TNRC6A: variants seen among roughly 807,000 people sequenced by gnomAD.
The protein encoded by TNRC6A is trinucleotide repeat containing adaptor 6A.
Under a neutral mutation model 221.2 loss-of-function variants are expected in TNRC6A, and 44 were observed. The ratio of observed to expected loss-of-function variants is 0.20; its 90% CI spans 0.16 to 0.26. The LOEUF is 0.26. Ranked by LOEUF, TNRC6A falls within the 10% of genes least tolerant of loss-of-function variation. The probability of loss-of-function intolerance (pLI) is 1.00; values close to 1 mark genes in which losing one functional copy is unlikely to be tolerated. For missense variants in TNRC6A, 2,199 were observed against 2,404.4 expected, an observed-to-expected ratio of 0.91 and a Z score of 1.79; for synonymous variants, 847 against 838.5, an observed-to-expected ratio of 1.01 and a Z score of -0.18.
intron 18 of TNRC6A, 89 bp from the exon 19 acceptor site, chr16:24,815,058 A>G (rs1178645183): frequency 3.4e-6 from 5 of 1,454,528 alleles, no homozygotes; most frequent in Non-Finnish European, 4.7e-6. Context: ...CAGATCTAAT[A>G]GAAAGTGTTC....
At chr16:24,745,106 G>A (rs1020578990) in intron 2 of TNRC6A, among the ~76,000 whole-genome samples, 18 of 152,136 alleles carry the variant, frequency 1.2e-4, no homozygotes, top group African/African-American at 4.3e-4. Context: ...CCTTCAATAC[G>A]ATGACCCCTT....
chr16:24,698,219 C>A (rs2055901468), intron 2 of TNRC6A, among the ~76,000 whole-genome samples: 3 of 152,030 alleles, frequency 2.0e-5, no homozygotes, highest in Non-Finnish European at 4.4e-5. Context: ...GCCCCAGATT[C>A]CAAATCAGAA....
At chr16:24,757,356 T>C (rs1319741391) in intron 3 of TNRC6A, among the ~76,000 whole-genome samples, 1 of 152,222 alleles carries the variant, frequency 6.6e-6, no homozygotes, top group Non-Finnish European at 1.5e-5. Flanking sequence ...GTATTTTTGA[T>C]AACAGTAATT....
intron 11 of TNRC6A, among the ~76,000 whole-genome samples, chr16:24,798,619 A>C (rs2058268014): frequency 6.6e-6 from 1 of 152,220 alleles, no homozygotes; most frequent in Non-Finnish European, 1.5e-5. Flanking sequence ...TAATTATTTC[A>C]AAGCTCCAAA....
At chr16:24,747,593 C>T (rs1200596080) in intron 2 of TNRC6A, among the ~76,000 whole-genome samples, 1 of 152,084 alleles carries the variant, frequency 6.6e-6, no homozygotes, top group African/African-American at 2.4e-5. Flanking sequence ...TCTCTATGAA[C>T]ATTTAACTCC....
At chr16:24,630,040 T>A (rs1467345257) in intron 1 of TNRC6A, among the ~76,000 whole-genome samples, 3 of 152,210 alleles carry the variant, frequency 2.0e-5, no homozygotes, top group Admixed American at 6.5e-5. Context: ...ACATAACTTT[T>A]CATAACTTAT....
At chr16:24,819,958 G>T (rs1212932162) in intron 21 of TNRC6A, among the ~76,000 whole-genome samples, 181 bp from the exon 22 acceptor site, 4 of 152,198 alleles carry the variant, frequency 2.6e-5, no homozygotes, top group Non-Finnish European at 4.4e-5. Context: ...AGTGTTTGGA[G>T]GGATGGAAAG....
intron 2 of TNRC6A, among the ~76,000 whole-genome samples, chr16:24,660,492 A>G (rs1313614262): frequency 6.6e-6 from 1 of 151,954 alleles, no homozygotes; most frequent in Non-Finnish European, 1.5e-5. Context: ...ATTGATGGGC[A>G]TTTGGGTTGA....
intron 1 of TNRC6A, among the ~76,000 whole-genome samples, chr16:24,618,016 G>C (rs759997586): frequency 3.9e-5 from 6 of 152,168 alleles, no homozygotes; most frequent in Non-Finnish European, 7.3e-5. Context: ...TCGTGCCTCA[G>C]CCATCTTAGT....
intron 5 of TNRC6A, chr16:24,778,528 C>G (rs924763159): frequency 2.0e-6 from 2 of 976,836 alleles, no homozygotes. Context: ...AGTCATTGTC[C>G]TGAGTTAATA....
chr16:24,739,837 A>T (rs998083993), intron 2 of TNRC6A, among the ~76,000 whole-genome samples: 1 of 152,180 alleles, frequency 6.6e-6, no homozygotes, highest in Non-Finnish European at 1.5e-5. Flanking sequence ...TTGTAAATCT[A>T]GTTTACCAGT....
chr16:24,661,035 C>G lies in TNRC6A; in HGVS notation n.402+20026C>G, dbSNP rs2055023947. 2.0e-5 allele frequency among the ~76,000 whole-genome samples: 3 copies of G among 152,180 alleles called. No homozygotes were observed. In the South Asian group the frequency reaches 6.2e-4, roughly 32 times the overall value. ...GGATTACAGGCGTGAGCCACCACGC[C>G]CTGCCCAGCTTTCTTCTTCTTAACC... On this transcript the variant is annotated intron_variant and non_coding_transcript_variant, in intron 2 of 2. Coordinates refer to the TNRC6A transcript ENST00000566108.
intron 2 of TNRC6A, among the ~76,000 whole-genome samples, chr16:24,707,273 G>A (rs2056113847): frequency 6.6e-6 from 1 of 151,930 alleles, no homozygotes; most frequent in African/African-American, 2.4e-5. Context: ...TAGGATTACA[G>A]GCATGTGCCA....
At chr16:24,624,034 A>T (rs548979012) in intron 1 of TNRC6A, among the ~76,000 whole-genome samples, 1 of 151,914 alleles carries the variant, frequency 6.6e-6, no homozygotes. Flanking sequence ...TGAAGCCAGC[A>T]CTGGCTGTAG....
chr16:24,678,735 A>G (rs554852954), intron 2 of TNRC6A, among the ~76,000 whole-genome samples: 2 of 152,324 alleles, frequency 1.3e-5, no homozygotes, highest in African/African-American at 4.8e-5. Flanking sequence ...GAGCTATCAC[A>G]TGAGACCATA....
At chr16:24,630,376 A>C (rs1392770974) in intron 1 of TNRC6A, among the ~76,000 whole-genome samples, 1 of 152,050 alleles carries the variant, frequency 6.6e-6, no homozygotes, top group Non-Finnish European at 1.5e-5. Context: ...AAAAACACAA[A>C]GCAAGGACCA....
chr16:24,815,271 G>A lies in TNRC6A; in HGVS notation c.4797G>A (p.Ser1599=), dbSNP rs773542201. The A allele has an allele frequency of 1.2e-5, 19 of 1,614,172 alleles. No homozygotes were observed. In the East Asian group the frequency reaches 1.6e-4, roughly 13 times the overall value. The part of the protein sequence containing the change: ...SIGDGWPRAK[S]PNGSSSVNWP... Reference sequence around the variant, plus strand: ...GAGATGGCTGGCCACGTGCCAAATCGCCTAACGGCTCTAGCAGTGTTAATT... The same window carrying A: ...GAGATGGCTGGCCACGTGCCAAATCACCTAACGGCTCTAGCAGTGTTAATT... The change falls in exon 19 of 25, where the codon TCG becomes TCA. Residue 1599 remains serine (S), a synonymous_variant. Coordinates refer to ENST00000395799, the MANE Select transcript of TNRC6A (RefSeq NM_014494.4).
At chr16:24,649,373 A>G (rs528518132) in intron 2 of TNRC6A, among the ~76,000 whole-genome samples, 5 of 152,258 alleles carry the variant, frequency 3.3e-5, no homozygotes, top group African/African-American at 7.2e-5. Flanking sequence ...CAGTGGCACA[A>G]TCATAGCTCA....
Position 24,790,794 on chromosome 16 carries a change from C to T in TNRC6A, c.2152C>T (p.Leu718=), listed in dbSNP as rs2058082273. 6.8e-6 allele frequency: 11 copies of T among 1,613,996 alleles called. No individual in the cohort carries two copies. The highest frequency in any genetic ancestry group is 9.3e-6 in the Non-Finnish European group (11 of 1,180,040). The change falls in exon 6 of 25, where the codon CTG becomes TTG. Residue 718 remains leucine, a synonymous_variant. Transcript: ENST00000395799. ...VNRTDLDPRV[L]SNSGWGQTPI... Reference sequence around the variant, plus strand: ...CAGAACTGACTTAGATCCACGTGTCCTGTCCAACTCTGGTTGGGGACAGAC... The same window carrying T: ...CAGAACTGACTTAGATCCACGTGTCTTGTCCAACTCTGGTTGGGGACAGAC...
Sources: gnomAD v4.1 joint callset for allele counts (sites outside exome capture counted in the v4.1 genomes callset) on GRCh38, gnomAD v4.1.1 for gene constraint, MANE v1.5 for transcripts, NCBI Gene and HGNC (gene_info 2026-07-23, HGNC 2026-07-21) for gene names.